The following PLXDC2 variants were observed in gnomAD, a reference collection of about 807,000 sequenced individuals.
PLXDC2 encodes plexin domain-containing protein 2.
In PLXDC2, 40 loss-of-function variants were observed where a neutral mutation model predicts 68.9. That is an observed-to-expected ratio of 0.58 (90% CI 0.45 to 0.76). PLXDC2 has a LOEUF of 0.76. Among genes scored for constraint, PLXDC2 ranks in the 30% least tolerant of loss-of-function variants. The probability of loss-of-function intolerance (pLI) is 0.00; values close to 1 mark genes in which losing one functional copy is unlikely to be tolerated. For missense variants in PLXDC2, 644 were observed against 661.9 expected (o/e 0.97, Z 0.30); for synonymous variants, 243 against 234.2 (o/e 1.04, Z -0.34).
intron 1 of PLXDC2, among the ~76,000 whole-genome samples, chr10:19,909,985 T>C (rs1397787191): frequency 2.0e-5 from 3 of 152,130 alleles, no homozygotes; most frequent in Non-Finnish European, 4.4e-5. Context: ...AAATATTTAG[T>C]TCAGAACATA....
rs989930393 is a variant in PLXDC2, at chr10:19,984,896, G to C, written c.113-16879G>C. ...TATTATCAATGATAGGAAGAATGTA[G>C]AGATTTTATTGATGTTCAACGTGTA... is the stretch of plus-strand genomic sequence containing the variant. On this transcript the variant is annotated intron_variant, in intron 1 of 13. Transcript: ENST00000377252. 2.6e-5 allele frequency among the ~76,000 whole-genome samples: 4 copies of C among 152,290 alleles called. No homozygotes were observed. In the East Asian group the frequency reaches 7.7e-4, roughly 29 times the overall value.
At chr10:20,017,922 G>GCATGGGGAC (rs1216075502) in intron 2 of PLXDC2, among the ~76,000 whole-genome samples, 3 of 152,192 alleles carry the variant, frequency 2.0e-5, no homozygotes, top group Non-Finnish European at 2.9e-5. Context: ...GAATAGTGGG[G>GCATGGGGAC]CATGGGGACC....
chr10:20,051,407 T>C (rs1275920278), intron 3 of PLXDC2, among the ~76,000 whole-genome samples: 1 of 5,270 alleles, frequency 1.9e-4, no homozygotes, highest in Non-Finnish European at 4.0e-4. Flanking sequence ...TATATATATA[T>C]ATATATATAT....
At position 19,911,943 on chromosome 10, in the gene PLXDC2, T is replaced by A. The variant is rs1446458941; in HGVS notation, c.113-89832T>A. 2.0e-5 allele frequency among the ~76,000 whole-genome samples: 3 copies of A among 152,222 alleles called. No individual in the cohort carries two copies. The East Asian group carries it at 5.8e-4, about 29-fold the overall frequency. On this transcript the variant is annotated intron_variant, in intron 1 of 13. Transcript: ENST00000377252. ...TGTTTCTCTTTCTCTGAAATGTCTG[T>A]CTGCTGTGTCTCAAAATATTTCCCT...
At chr10:19,927,352 AT>A (rs1165726618) in intron 1 of PLXDC2, among the ~76,000 whole-genome samples, 4 of 152,070 alleles carry the variant, frequency 2.6e-5, no homozygotes, top group Admixed American at 1.3e-4. Context: ...GGATAAGATT[AT>A]TTTTTCTTAT....
At chr10:20,082,266 T>C (rs1185387134) in intron 4 of PLXDC2, among the ~76,000 whole-genome samples, 2 of 151,824 alleles carry the variant, frequency 1.3e-5, no homozygotes, top group East Asian at 3.9e-4. Flanking sequence ...ATTCAGCTAA[T>C]AATTATATAT....
chr10:20,010,098 G>A (rs1349043838), intron 2 of PLXDC2, among the ~76,000 whole-genome samples: 1 of 152,202 alleles, frequency 6.6e-6, no homozygotes. Flanking sequence ...TCTGTTCCTT[G>A]CTTGATTCTG....
In PLXDC2 at chr10:19,982,958, A is replaced by G. The variant is rs140782013; in HGVS notation, c.113-18817A>G. Among the ~76,000 whole-genome samples the G allele has an allele frequency of 7.9e-5, 12 of 152,304 alleles. No individual in the cohort carries two copies. The East Asian group carries it at 2.3e-3, about 29-fold the overall frequency. On this transcript the variant is annotated intron_variant, in intron 1 of 13. Transcript: ENST00000377252. ...TAAAATTTAGGTATATTATTTTTAA[A>G]ATTTCATTTTAGTACTTCATCATAG... is the stretch of plus-strand genomic sequence containing the variant.
intron 4 of PLXDC2, among the ~76,000 whole-genome samples, chr10:20,085,620 G>C (rs1291082973): frequency 6.6e-6 from 1 of 152,036 alleles, no homozygotes; most frequent in Admixed American, 6.5e-5. Flanking sequence ...TTTGATTTGG[G>C]GAGACATGGG....
chr10:20,140,663 G>A (rs1439206341), intron 4 of PLXDC2, among the ~76,000 whole-genome samples: 1 of 151,820 alleles, frequency 6.6e-6, no homozygotes, highest in Non-Finnish European at 1.5e-5. Flanking sequence ...TTAAAATCTG[G>A]AAAATTAAGG....
At chr10:20,135,060 A>G (rs557649488) in intron 4 of PLXDC2, among the ~76,000 whole-genome samples, 10 of 152,246 alleles carry the variant, frequency 6.6e-5, no homozygotes, top group African/African-American at 1.2e-4. Flanking sequence ...AGGTGCTATA[A>G]TCTCTCACCT....
chr10:19,904,313 C>G (rs1838206390), intron 1 of PLXDC2, among the ~76,000 whole-genome samples: 1 of 152,154 alleles, frequency 6.6e-6, no homozygotes, highest in South Asian at 2.1e-4. Context: ...GTGTTGCTGT[C>G]TATCTCATTT....
chr10:19,824,186 T>C (rs1836531247), intron 1 of PLXDC2, among the ~76,000 whole-genome samples: 1 of 152,186 alleles, frequency 6.6e-6, no homozygotes. Flanking sequence ...GACATAGTTC[T>C]TTTGAACTTG....
At chr10:20,169,080 A>G (rs185945651) in intron 7 of PLXDC2, among the ~76,000 whole-genome samples, 1 of 152,276 alleles carries the variant, frequency 6.6e-6, no homozygotes, top group African/African-American at 2.4e-5. Context: ...AATTTATGTA[A>G]CCTGTCACTA....
At chr10:20,157,937 T>C (rs1486925245) in intron 6 of PLXDC2, among the ~76,000 whole-genome samples, 1 of 152,140 alleles carries the variant, frequency 6.6e-6, no homozygotes, top group Non-Finnish European at 1.5e-5. Flanking sequence ...GAGAATGTAA[T>C]TGTAAAACCA....
intron 1 of PLXDC2, among the ~76,000 whole-genome samples, chr10:19,833,165 C>T (rs927288345): frequency 3.9e-5 from 6 of 152,170 alleles, no homozygotes; most frequent in Non-Finnish European, 8.8e-5. Flanking sequence ...TACTTAATCT[C>T]ATTAAGTGTT....
At chr10:20,017,046 A>T (rs1015680571) in intron 2 of PLXDC2, among the ~76,000 whole-genome samples, 1 of 152,208 alleles carries the variant, frequency 6.6e-6, no homozygotes, top group Admixed American at 6.5e-5. Context: ...GGCAATCACA[A>T]ATTGAAATGC....
In PLXDC2 at chr10:20,094,554, T is replaced by C. The variant is rs570931625; in HGVS notation, c.541+26315T>C. ...CCTTACAACTGAGTTTGTTTTTCAT[T>C]ATTTTTTTTTCTGATCTCATCAAAG... On this transcript the variant is annotated intron_variant, in intron 4 of 13. Coordinates refer to ENST00000377252, the MANE Select transcript of PLXDC2 (RefSeq NM_032812.9). 1.0e-3 allele frequency among the ~76,000 whole-genome samples: 84 copies of C among 80,710 alleles called. 1 individual carries two copies. Among genetic ancestry groups the C allele is most frequent in the African/African-American group, 5.4e-3 (81 of 14,888 alleles). 52.9% of individuals were successfully genotyped at this position (80,710 alleles called of 152,430 possible).
intron 7 of PLXDC2, among the ~76,000 whole-genome samples, chr10:20,169,007 A>T (rs917103623): frequency 6.6e-6 from 1 of 152,172 alleles, no homozygotes; most frequent in African/African-American, 2.4e-5. Context: ...CATATTTTTT[A>T]CACTGTTAAA....
Sources: gnomAD v4.1 joint callset for allele counts (sites outside exome capture counted in the v4.1 genomes callset) on GRCh38, gnomAD v4.1.1 for gene constraint, MANE v1.5 for transcripts, NCBI Gene and HGNC (gene_info 2026-07-23, HGNC 2026-07-21) for gene names.